Variants in GRK5 observed in about 807,000 individuals in gnomAD.
The protein encoded by GRK5 is G protein-coupled receptor kinase 5, also known as g protein-coupled receptor kinase GRK5.
In GRK5, 40 loss-of-function variants were observed where a neutral mutation model predicts 78.4. The observed-to-expected ratio is 0.51, with a 90% confidence interval of 0.40 to 0.66. The LOEUF is 0.66. GRK5 is among the 30% of genes least tolerant of loss of function. GRK5 has a pLI of 0.00. For missense variants in GRK5, 598 were observed against 759.9 expected, an observed-to-expected ratio of 0.79 and a Z score of 2.50; for synonymous variants, 289 against 296.8, an observed-to-expected ratio of 0.97 and a Z score of 0.27.
At chr10:119,279,335 A>G (rs990236541) in intron 1 of GRK5, among the ~76,000 whole-genome samples, 2 of 152,188 alleles carry the variant, frequency 1.3e-5, no homozygotes, top group Non-Finnish European at 2.9e-5. Flanking sequence ...ACTTCAACAC[A>G]GGAATTTGGG....
chr10:119,250,646 G>A (rs544948918), intron 1 of GRK5, among the ~76,000 whole-genome samples: 3 of 152,016 alleles, frequency 2.0e-5, no homozygotes, highest in Admixed American at 2.0e-4. Flanking sequence ...ACTGTGCCTG[G>A]CCCTACACCA....
In GRK5 at chr10:119,431,090, C is replaced by T. The variant is rs764010691; in HGVS notation, c.598-297C>T. The stretch of plus-strand genomic sequence containing the variant: ...AAATCCTGTTGCCCTGGGAATGGAA[C>T]GGTACTTGGGGCCCCAGTCAGTTAT... On this transcript the variant is annotated intron_variant, in intron 7 of 15. Transcript: ENST00000392870. This position sits in a 1 kb window ranked among gnomAD's most constrained non-coding sequence, Gnocchi z 4.8. 5.9e-5 allele frequency among the ~76,000 whole-genome samples: 9 copies of T among 152,216 alleles called. No individual in the cohort carries two copies. The highest frequency in any genetic ancestry group is 1.2e-4 in the Non-Finnish European group (8 of 68,034).
At chr10:119,350,319 T>A (rs1356940074) in intron 2 of GRK5, among the ~76,000 whole-genome samples, 3 of 152,268 alleles carry the variant, frequency 2.0e-5, no homozygotes, top group Non-Finnish European at 2.9e-5. Context: ...GAGAAGTAAG[T>A]TACCTTCAAG....
At chr10:119,343,543 G>A (rs528895786) in intron 2 of GRK5, among the ~76,000 whole-genome samples, 3 of 152,360 alleles carry the variant, frequency 2.0e-5, no homozygotes, top group East Asian at 1.9e-4. Context: ...GGCCTGAGTC[G>A]AGGCCATGCT....
chr10:119,438,105 ACTT>A (rs1281907019), intron 9 of GRK5, among the ~76,000 whole-genome samples: 11 of 152,274 alleles, frequency 7.2e-5, no homozygotes, highest in African/African-American at 2.6e-4. Flanking sequence ...AAATAAAATA[ACTT>A]CTTCTGTCGA....
intron 1 of GRK5, among the ~76,000 whole-genome samples, chr10:119,265,838 C>G (rs1160230246): frequency 6.6e-6 from 1 of 152,262 alleles, no homozygotes; most frequent in African/African-American, 2.4e-5. Context: ...CACACGCCCT[C>G]TCAGCCGCAC....
chr10:119,392,639 G>C (rs1273085082), intron 3 of GRK5, among the ~76,000 whole-genome samples: 1 of 152,114 alleles, frequency 6.6e-6, no homozygotes, highest in African/African-American at 2.4e-5. Flanking sequence ...CCTGACGTCA[G>C]GTGATCCGCC....
chr10:119,293,811 G>C (rs1219701369), intron 1 of GRK5, among the ~76,000 whole-genome samples: 1 of 152,136 alleles, frequency 6.6e-6, no homozygotes. Flanking sequence ...ACCCGAGTCT[G>C]GAGTAGGAAC....
chr10:119,394,197 GGTGT>G (rs1468045953), intron 3 of GRK5, among the ~76,000 whole-genome samples: 2 of 26,450 alleles, frequency 7.6e-5, no homozygotes, highest in African/African-American at 1.3e-4. Flanking sequence ...TGTGTATGGG[GGTGT>G]GTATCTGTGT....
Position 119,455,230 on chromosome 10 carries a change from A to G in GRK5, c.*163A>G. Reference sequence around the variant, plus strand: ...CGACGTAGAACCTCGAGGTTTCTCAAAGAAATTTCCACTCAGGTCTGTTTT... The same window carrying G: ...CGACGTAGAACCTCGAGGTTTCTCAGAGAAATTTCCACTCAGGTCTGTTTT... On this transcript the variant is annotated 3_prime_UTR_variant, in exon 16 of 16. Coordinates refer to ENST00000392870, the MANE Select transcript of GRK5 (RefSeq NM_005308.3). 4.2e-6 allele frequency: 3 copies of G among 714,282 alleles called. No individual in the cohort carries two copies. The highest frequency in any genetic ancestry group is 1.7e-5 in the African/African-American group (1 of 57,586). The allele number at this position is 714,282 out of a possible 1,614,324, so 44.2% of individuals were successfully genotyped here.
intron 1 of GRK5, among the ~76,000 whole-genome samples, chr10:119,284,556 C>T (rs545844166): frequency 6.6e-6 from 1 of 152,352 alleles, no homozygotes; most frequent in African/African-American, 2.4e-5. Flanking sequence ...TATCTTACCT[C>T]AGAGCACCTC....
At chr10:119,275,611 TCGCACACACACACA>T (rs1849657373) in intron 1 of GRK5, among the ~76,000 whole-genome samples, 1 of 123,912 alleles carries the variant, frequency 8.1e-6, no homozygotes, top group African/African-American at 3.5e-5. Context: ...TCTCTCTCTC[TCGCACACACACACA>T]CACACACACA....
rs74157651 is a variant in GRK5, at chr10:119,296,820, C to T, written c.53-29696C>T. Among the ~76,000 whole-genome samples, 366 of 152,316 alleles carry T rather than the reference C, an allele frequency of 2.4e-3. 1 individual carries two copies. The highest frequency in any genetic ancestry group is 8.4e-3 in the African/African-American group (351 of 41,574). ...TAAAGCTGCCAGAAGTGAGGTGACT[C>T]GTCCACAAGCAGCACGTTCTGTGGA... On this transcript the variant is annotated intron_variant, in intron 1 of 15. Coordinates refer to ENST00000392870, the MANE Select transcript of GRK5 (RefSeq NM_005308.3).
intron 2 of GRK5, among the ~76,000 whole-genome samples, chr10:119,366,055 G>A (rs774668930): frequency 7.2e-5 from 11 of 152,162 alleles, no homozygotes; most frequent in Non-Finnish European, 1.0e-4. Flanking sequence ...GCTCCAAGTC[G>A]GGTCCACCCC....
chr10:119,361,293 C>T (rs534998138), intron 2 of GRK5, among the ~76,000 whole-genome samples: 157 of 152,262 alleles, frequency 1.0e-3, no homozygotes, highest in Admixed American at 2.2e-3. Context: ...GAGCAGAAGC[C>T]CCACCCCACT....
chr10:119,406,432 A>T, intron 4 of GRK5: 1 of 984,826 alleles, frequency 1.0e-6, no homozygotes, highest in South Asian at 4.7e-5. Context: ...TCTCCAGGGC[A>T]ACCAAGGGTG....
chr10:119,294,703 G>T (rs1312044199), intron 1 of GRK5, among the ~76,000 whole-genome samples: 1 of 152,166 alleles, frequency 6.6e-6, no homozygotes, highest in Non-Finnish European at 1.5e-5. Flanking sequence ...TAGGACAGGG[G>T]CCAGCAAACT....
At chr10:119,416,282 G>A (rs1852449952) in intron 4 of GRK5, among the ~76,000 whole-genome samples, 1 of 152,250 alleles carries the variant, frequency 6.6e-6, no homozygotes, top group African/African-American at 2.4e-5. Flanking sequence ...CAGAGGCAGG[G>A]AGCAGTGCCG....
At chr10:119,320,304 C>T (rs947775674) in intron 1 of GRK5, among the ~76,000 whole-genome samples, 4 of 152,204 alleles carry the variant, frequency 2.6e-5, no homozygotes, top group African/African-American at 9.7e-5. Context: ...ACCACGGGTC[C>T]GCTATCAGCA....
Sources: allele counts gnomAD v4.1 joint callset (sites outside exome capture counted in the v4.1 genomes callset), GRCh38; gene constraint gnomAD v4.1.1; non-coding constraint Gnocchi (gnomAD v3.1); transcripts MANE v1.5; gene names NCBI Gene and HGNC (gene_info 2026-07-23, HGNC 2026-07-21).